NLRP6: variants seen among roughly 807,000 people sequenced by gnomAD.
The protein encoded by NLRP6 is NLR family pyrin domain containing 6, also known as NACHT, LRR and PYD domains-containing protein 6.
Under a neutral mutation model 70.9 loss-of-function variants are expected in NLRP6, and 55 were observed. That is an observed-to-expected ratio of 0.78 (90% CI 0.62 to 0.97). The LOEUF (loss-of-function observed/expected upper bound fraction) is 0.97. Among genes scored for constraint, NLRP6 ranks in the 50% least tolerant of loss-of-function variants. The pLI is 0.00. For synonymous variants in NLRP6, 652 were observed against 581.9 expected, an observed-to-expected ratio of 1.12 and a Z score of -1.73; for missense variants, 1,241 against 1,238.3, an observed-to-expected ratio of 1.00 and a Z score of -0.03.
Position 279,438 on chromosome 11 carries a change from C to T in NLRP6, c.141C>T (p.Asp47=), listed in dbSNP as rs1225761328. Residue 47 remains aspartate (D), a synonymous_variant, in exon 2 of 8, where the codon GAC becomes GAT. Coordinates refer to ENST00000534750, the MANE Select transcript of NLRP6 (RefSeq NM_001276700.2). ...ACAAGCTGCGCGACGTGGGCCCGGACGGACGCAGCATCCCGTGGGGGCGGC... is the reference window on the plus strand; with the variant it reads ...ACAAGCTGCGCGACGTGGGCCCGGATGGACGCAGCATCCCGTGGGGGCGGC... ...FRHKLRDVGP[D]GRSIPWGRLE... 15 of 1,389,826 alleles carry T rather than the reference C, an allele frequency of 1.1e-5. No homozygotes were observed. Among genetic ancestry groups the T allele is most frequent in the Admixed American group, 3.5e-5 (1 of 28,500 alleles). The allele number at this position is 1,389,826 out of a possible 1,614,324, so 86.1% of individuals were successfully genotyped here.
At position 279,865 on chromosome 11, in the gene NLRP6, C is replaced by T; in HGVS notation, c.342C>T (p.Ser114=). Reference sequence around the variant, plus strand: ...GGCTCGGCTCCGGGACGCTGCTCTCCGTGTCCGGTGGGTCTCTCGCTGGGG... The same window carrying T: ...GGCTCGGCTCCGGGACGCTGCTCTCTGTGTCCGGTGGGTCTCTCGCTGGGG... The part of the protein sequence containing the change: ...RLGLGSGTLL[S]VSEYKKKYRE... The change falls in exon 3 of 8, where the codon TCC becomes TCT. Residue 114 remains serine, a synonymous_variant. Transcript: ENST00000534750. 1 of 1,551,076 alleles carries T rather than the reference C, an allele frequency of 6.4e-7. No homozygotes were observed. Among genetic ancestry groups the T allele is most frequent in the Non-Finnish European group, 8.7e-7 (1 of 1,152,496 alleles).
chr11:278,536 C>T lies in NLRP6; in HGVS notation c.-34C>T. 2.0e-6 allele frequency: 3 copies of T among 1,534,388 alleles called. No homozygotes were observed. The highest frequency in any genetic ancestry group is 2.6e-6 in the Non-Finnish European group (3 of 1,141,160). ...TCACCTCTCTGATCCCCACCTCTGC[C>T]CCGGAGTGCTAGACCCAGGGAGGAA... On this transcript the variant is annotated 5_prime_UTR_variant, in exon 1 of 8. Transcript: ENST00000534750. The surrounding 1 kb of genome is among the most constrained non-coding windows in gnomAD (Gnocchi z 4.7).
At position 284,254 on chromosome 11, in the gene NLRP6, C is replaced by T. The variant is rs138549024; in HGVS notation, c.2223C>T (p.Asp741=). 233 of 1,613,238 alleles carry T rather than the reference C, an allele frequency of 1.4e-4. 1 individual carries two copies. Among genetic ancestry groups the T allele is most frequent in the South Asian group, 6.7e-4 (61 of 91,072 alleles). ...SLTLSHCKLP[D]AVCRDLSEAL... Reference sequence around the variant, plus strand: ...GGCTGTCCCACTGCAAACTCCCTGACGCGGTCTGCCGAGACCTTTCTGAGG... The same window carrying T: ...GGCTGTCCCACTGCAAACTCCCTGATGCGGTCTGCCGAGACCTTTCTGAGG... Residue 741 remains aspartate, a synonymous_variant, in exon 6 of 8, where the codon GAC becomes GAT. Transcript: ENST00000534750.
chr11:280,195 C>T lies in NLRP6; in HGVS notation c.461C>T (p.Pro154Leu). The T allele has an allele frequency of 1.9e-6, 3 of 1,547,310 alleles. No individual in the cohort carries two copies. Among genetic ancestry groups the T allele is most frequent in the Non-Finnish European group, 2.6e-6 (3 of 1,146,012 alleles). The change falls in exon 4 of 8, where the codon CCC becomes CTC. Residue 154 changes from proline to leucine, a missense_variant. Physicochemically the swap from Pro to Leu is moderately conservative, Grantham distance 98. Transcript: ENST00000534750. The stretch of plus-strand genomic sequence containing the variant: ...CGCTTCACCAAGCTGCTCATCGCGC[C>T]CGAGAGCGCCGCCCCGGAGGAGGCG... ...TKRFTKLLIA[P>L]ESAAPEEAMG...
intron 4 of NLRP6, 27 bp downstream of exon 4, chr11:281,866 CTT>C (rs770539217): frequency 6.5e-6 from 10 of 1,540,140 alleles, no homozygotes; most frequent in South Asian, 3.6e-5. Context: ...GAGATACTCT[CTT>C]GTGTGTGAGG....
chr11:280,319 G>A lies in NLRP6; in HGVS notation c.585G>A (p.Pro195=). Residue 195 remains proline, a synonymous_variant, in exon 4 of 8, where the codon CCG becomes CCA. Transcript: ENST00000534750. ...LFRRDEEGRR[P]LTVVLQGPAG... is the part of the protein sequence containing the mutation. Reference sequence around the variant, plus strand: ...GCCGCGACGAGGAGGGCCGGCGGCCGCTGACCGTGGTGCTGCAGGGCCCGG... The same window carrying A: ...GCCGCGACGAGGAGGGCCGGCGGCCACTGACCGTGGTGCTGCAGGGCCCGG... 2 of 1,498,764 alleles carry A rather than the reference G, an allele frequency of 1.3e-6. No homozygotes were observed. The highest frequency in any genetic ancestry group is 1.3e-5 in the South Asian group (1 of 78,000). 92.8% of individuals were successfully genotyped at this position (1,498,764 alleles called of 1,614,324 possible).
chr11:280,950 C>T lies in NLRP6; in HGVS notation c.1216C>T (p.Arg406Trp), dbSNP rs372441368. ...TVLRQQLELG[R>W]DLSRTSKTTT... is the part of the protein sequence containing the mutation. ...GCTGCGCCAGCAGCTGGAGCTCGGT[C>T]GGGACCTGTCGCGCACGTCCAAGAC... Residue 406 changes from arginine (R) to tryptophan (W), a missense_variant, in exon 4 of 8, where the codon CGG becomes TGG. Coordinates refer to ENST00000534750, the MANE Select transcript of NLRP6 (RefSeq NM_001276700.2). The T allele has an allele frequency of 4.5e-5, 72 of 1,613,090 alleles. No homozygotes were observed. The highest frequency in any genetic ancestry group is 5.9e-5 in the Non-Finnish European group (70 of 1,179,968).
In NLRP6 at chr11:281,849, C is replaced by G. The variant is rs565971545; in HGVS notation, c.2105+10C>G. 1.3e-6 allele frequency: 2 copies of G among 1,561,140 alleles called. No individual in the cohort carries two copies. The highest frequency in any genetic ancestry group is 2.3e-5 in the South Asian group (2 of 85,276). ...GCCTGGGTGGCGGCAGGTGCGTCTCCAGGGCAGAGATACTCTCTTGTGTGT... is the reference window on the plus strand; with the variant it reads ...GCCTGGGTGGCGGCAGGTGCGTCTCGAGGGCAGAGATACTCTCTTGTGTGT... On this transcript the variant is annotated intron_variant, in intron 4 of 7. Coordinates refer to ENST00000534750, the MANE Select transcript of NLRP6 (RefSeq NM_001276700.2).
Position 278,708 on chromosome 11 carries a change from C to T in NLRP6, c.29+110C>T, listed in dbSNP as rs755582062. 1 of 760,978 alleles carries T rather than the reference C, an allele frequency of 1.3e-6. No homozygotes were observed. The highest frequency in any genetic ancestry group is 3.1e-5 in the East Asian group (1 of 32,594). 47.1% of individuals were successfully genotyped at this position (760,978 alleles called of 1,614,324 possible). A position where few individuals can be genotyped will look rare whatever the true frequency, so the allele number is the denominator to read the frequency against. On this transcript the variant is annotated intron_variant, in intron 1 of 7. Transcript: ENST00000534750. This position sits in a 1 kb window ranked among gnomAD's most constrained non-coding sequence, Gnocchi z 4.7. Reference sequence around the variant, plus strand: ...GCTCTCCACCCTTGTCCACATCCTTCCCCCACCCTCACTCCCAGGCTCAGG... The same window carrying T: ...GCTCTCCACCCTTGTCCACATCCTTTCCCCACCCTCACTCCCAGGCTCAGG...
At chr11:281,949 T>G in intron 4 of NLRP6, 110 bp downstream of exon 4, 1 of 986,556 alleles carries the variant, frequency 1.0e-6, no homozygotes, top group Non-Finnish European at 1.5e-6. Context: ...GACCAGACCC[T>G]GGCTCCCCAG....
rs770370313 is a variant in NLRP6 at position 282,672 on chromosome 11, G to A, written c.2106-33G>A. 8 of 1,543,294 alleles carry A rather than the reference G, an allele frequency of 5.2e-6. No homozygotes were observed. In the African/African-American group the frequency reaches 5.4e-5, roughly 11 times the overall value. ...TTTCCGGCAGGCACTGTGAGGAGCA[G>A]GGTGGGCTTCACCTTCCTCTCTCTC... On this transcript the variant is annotated intron_variant, in intron 4 of 7. Coordinates refer to ENST00000534750, the MANE Select transcript of NLRP6 (RefSeq NM_001276700.2).
In NLRP6 at chr11:278,728, C is replaced by A; in HGVS notation, c.29+130C>A. ...TCCTTCCCCCACCCTCACTCCCAGG[C>A]TCAGGAGCCAAGCACTGCCTCCCCA... is the stretch of plus-strand genomic sequence containing the variant. On this transcript the variant is annotated intron_variant, in intron 1 of 7. Coordinates refer to ENST00000534750, the MANE Select transcript of NLRP6 (RefSeq NM_001276700.2). This position sits in a 1 kb window ranked among gnomAD's most constrained non-coding sequence, Gnocchi z 4.7. 1 of 630,052 alleles carries A rather than the reference C, an allele frequency of 1.6e-6. No homozygotes were observed. The highest frequency in any genetic ancestry group is 2.6e-6 in the Non-Finnish European group (1 of 387,590). The allele number at this position is 630,052 out of a possible 1,614,324, so 39.0% of individuals were successfully genotyped here. A position where few individuals can be genotyped will look rare whatever the true frequency, so the allele number is the denominator to read the frequency against.
intron 5 of NLRP6, among the ~76,000 whole-genome samples, chr11:283,638 A>G (rs532530017): frequency 2.0e-5 from 3 of 152,206 alleles, no homozygotes; most frequent in Non-Finnish European, 2.9e-5. Flanking sequence ...ACATGGCAAT[A>G]ACTTGCCAGT....
chr11:280,265 G>A lies in NLRP6; in HGVS notation c.531G>A (p.Ser177=), dbSNP rs1845449997. Residue 177 remains serine, a synonymous_variant, in exon 4 of 8, where the codon TCG becomes TCA. Transcript: ENST00000534750. ...CTGAGCCGGGGCGCGCGCGGCGCTC[G>A]GACACGCACACTTTCAACCGCCTCT... is the stretch of plus-strand genomic sequence containing the variant. ...EEPEPGRARR[S]DTHTFNRLFR... The A allele has an allele frequency of 1.3e-6, 2 of 1,519,992 alleles. No homozygotes were observed. Among genetic ancestry groups the A allele is most frequent in the East Asian group, 2.5e-5 (1 of 39,960 alleles). The allele number at this position is 1,519,992 out of a possible 1,614,324, so 94.2% of individuals were successfully genotyped here.
rs535293689 is a variant in NLRP6, at chr11:285,270, C to T, written c.2642C>T (p.Pro881Leu). 3.1e-5 allele frequency: 50 copies of T among 1,608,810 alleles called. 1 individual carries two copies. The South Asian group carries it at 4.7e-4, about 15-fold the overall frequency. The stretch of plus-strand genomic sequence containing the variant: ...ACACACCCAGCGCTGGACGGCCACC[C>T]ACAACCTCCCAAGGAACTCATCTCG... The part of the protein sequence containing the change: ...VITHPALDGH[P>L]QPPKELISTF The change falls in exon 8 of 8, where the codon CCA (proline) becomes CTA (leucine). Residue 881 changes from proline to leucine, a missense_variant. By Grantham distance (98) the Pro-to-Leu change is moderately conservative (BLOSUM62 -3). Transcript: ENST00000534750.
Position 281,682 on chromosome 11 carries a change from C to T in NLRP6, c.1948C>T (p.Arg650Cys), listed in dbSNP as rs1287827071. 6.2e-7 allele frequency: 1 copy of T among 1,613,428 alleles called. No homozygotes were observed. ...RFPELALQRV[R>C]FCRMDVAVLS... ...CCCGGAGCTGGCGCTGCAGCGAGTG[C>T]GCTTCTGCCGCATGGACGTGGCTGT... The change falls in exon 4 of 8, where the codon CGC becomes TGC. Residue 650 changes from arginine to cysteine, a missense_variant. Physicochemically the swap from Arg to Cys is radical, Grantham distance 180 (BLOSUM62 -3). Transcript: ENST00000534750.
intron 1 of NLRP6, 165 bp from the exon 2 acceptor site, chr11:279,162 G>A: frequency 1.8e-6 from 1 of 550,408 alleles, no homozygotes; most frequent in Non-Finnish European, 2.7e-6. Context: ...AAAAGTCTGG[G>A]GTCACTCCCC....
Position 284,438 on chromosome 11 carries a change from G to A in NLRP6, c.2370-37G>A, listed in dbSNP as rs199475815. Reference sequence around the variant, plus strand: ...CTGGGAGGGACCGTGGGATGCCCCCGCCACCCCAGCAGCTCCTGAGGTCGG... The same window carrying A: ...CTGGGAGGGACCGTGGGATGCCCCCACCACCCCAGCAGCTCCTGAGGTCGG... On this transcript the variant is annotated intron_variant, in intron 6 of 7. Coordinates refer to ENST00000534750, the MANE Select transcript of NLRP6 (RefSeq NM_001276700.2). 2,675 of 1,602,242 alleles carry A rather than the reference G, an allele frequency of 1.7e-3. 3 individuals carry two copies. Among genetic ancestry groups the A allele is most frequent in the Non-Finnish European group, 2.0e-3 (2,381 of 1,172,082 alleles).
Position 280,232 on chromosome 11 carries a change from G to C in NLRP6, c.498G>C (p.Ala166=), listed in dbSNP as rs1192039052. ...CCCCGGAGGAGGCGATGGGGCCCGC[G>C]GAAGAGCCTGAGCCGGGGCGCGCGC... The part of the protein sequence containing the change: ...SAAPEEAMGP[A]EEPEPGRARR... The change falls in exon 4 of 8, where the codon GCG becomes GCC. Residue 166 remains alanine, a synonymous_variant. Transcript: ENST00000534750. 6.5e-7 allele frequency: 1 copy of C among 1,542,508 alleles called. No individual in the cohort carries two copies. Among genetic ancestry groups the C allele is most frequent in the Admixed American group, 2.0e-5 (1 of 49,644 alleles).
Sources: allele counts gnomAD v4.1 joint callset (sites outside exome capture counted in the v4.1 genomes callset), GRCh38; gene constraint gnomAD v4.1.1; non-coding constraint Gnocchi (gnomAD v3.1); transcripts MANE v1.5; gene names NCBI Gene and HGNC (gene_info 2026-07-23, HGNC 2026-07-21).